The following EMC1 variants were observed in gnomAD, a reference collection of about 807,000 sequenced individuals.
EMC1 encodes ER membrane protein complex subunit 1.
EMC1 carries 103 observed loss-of-function variants against 128.8 expected under a neutral mutation model. The ratio of observed to expected loss-of-function variants is 0.80; its 90% CI spans 0.68 to 0.94. The LOEUF (loss-of-function observed/expected upper bound fraction) is 0.94, where lower values mean the gene tolerates loss of function less well. Among genes scored for constraint, EMC1 ranks in the 40% least tolerant of loss-of-function variants. The pLI is 0.00. For missense variants in EMC1, 1,083 were observed against 1,250.6 expected, an observed-to-expected ratio of 0.87 and a Z score of 2.02; for synonymous variants, 442 against 490.4, an observed-to-expected ratio of 0.90 and a Z score of 1.30.
intron 17 of EMC1, among the ~76,000 whole-genome samples, chr1:19,230,505 G>C (rs536993059): frequency 6.8e-4 from 103 of 152,316 alleles, no homozygotes; most frequent in Non-Finnish European, 1.2e-3. Flanking sequence ...AGGAGGCAGA[G>C]GTTGCAGTGA....
intron 2 of EMC1, 162 bp downstream of exon 2, chr1:19,244,744 T>A: frequency 1.4e-6 from 1 of 714,978 alleles, no homozygotes; most frequent in Non-Finnish European, 2.3e-6. Context: ...CATACAAATA[T>A]TCAAAGATGG....
At chr1:19,242,306 A>G in intron 5 of EMC1, 39 bp downstream of exon 5, 8 of 1,612,980 alleles carry the variant, frequency 5.0e-6, no homozygotes, top group Non-Finnish European at 5.9e-6. Context: ...CCTAGAGAGT[A>G]GAACGAGGCA....
chr1:19,235,129 C>A lies in EMC1; in HGVS notation c.1432+1G>T. Reference sequence around the variant, plus strand: ...GCAGCTCCAACCTCTTAGGTTCATACCTGCCTTTTTGCCAAATTCTCCTTC... The same window carrying A: ...GCAGCTCCAACCTCTTAGGTTCATAACTGCCTTTTTGCCAAATTCTCCTTC... On this transcript the variant is annotated splice_donor_variant, in intron 13 of 22. Transcript: ENST00000477853. LOFTEE classifies it high-confidence loss of function. 1 of 1,613,514 alleles carries A rather than the reference C, an allele frequency of 6.2e-7. No individual in the cohort carries two copies. Among genetic ancestry groups the A allele is most frequent in the African/African-American group, 1.3e-5 (1 of 75,058 alleles).
At chr1:19,234,920 G>T (rs918813623) in intron 13 of EMC1, among the ~76,000 whole-genome samples, 1 of 152,080 alleles carries the variant, frequency 6.6e-6, no homozygotes, top group East Asian at 1.9e-4. Context: ...TTCCCTAGAA[G>T]GATTCACAGT....
intron 4 of EMC1, among the ~76,000 whole-genome samples, chr1:19,243,244 A>T (rs1423043208): frequency 6.6e-6 from 1 of 152,202 alleles, no homozygotes; most frequent in Non-Finnish European, 1.5e-5. Flanking sequence ...CAAAAAACTC[A>T]ATAAATAAAA....
chr1:19,239,346 T>C (rs763371539), intron 8 of EMC1, 44 bp from the exon 9 acceptor site: 4 of 1,552,154 alleles, frequency 2.6e-6, no homozygotes, highest in Non-Finnish European at 3.6e-6. Flanking sequence ...GGACCAGTAC[T>C]AGCCAGCTGC....
At chr1:19,238,942 T>C in intron 9 of EMC1, 85 bp from the exon 10 acceptor site, 1 of 1,015,358 alleles carries the variant, frequency 9.8e-7, no homozygotes, top group Non-Finnish European at 1.6e-6. Context: ...TTTGTCTTCT[T>C]AGCACTTGAG....
chr1:19,218,758 T>C lies in EMC1; in HGVS notation c.*545A>G, dbSNP rs1054857494. The C allele has an allele frequency of 6.5e-6, 1 of 153,568 alleles. No individual in the cohort carries two copies. Among genetic ancestry groups the C allele is most frequent in the African/African-American group, 2.4e-5 (1 of 41,444 alleles). 9.5% of individuals were successfully genotyped at this position (153,568 alleles called of 1,614,324 possible). Reference sequence around the variant, plus strand: ...CCTAAGTTACTTTGGAGGGAAGCCATGAGAGGCTGGATCAGTCCTCAAGCC... The same window carrying C: ...CCTAAGTTACTTTGGAGGGAAGCCACGAGAGGCTGGATCAGTCCTCAAGCC... On this transcript the variant is annotated 3_prime_UTR_variant, in exon 23 of 23. Transcript: ENST00000477853.
chr1:19,234,988 A>G, intron 13 of EMC1, 142 bp downstream of exon 13: 1 of 837,798 alleles, frequency 1.2e-6, no homozygotes, highest in Non-Finnish European at 1.8e-6. Flanking sequence ...ATGCACCGGA[A>G]CCTCATCACA....
rs548469862 is a variant in EMC1 at position 19,237,316 on chromosome 1, G to A, written c.1213-78C>T. The A allele has an allele frequency of 5.1e-6, 5 of 987,656 alleles. No individual in the cohort carries two copies. The African/African-American group carries it at 6.4e-5, about 13-fold the overall frequency. 61.2% of individuals were successfully genotyped at this position (987,656 alleles called of 1,614,324 possible). ...AGAGCACCAGACCCCAGGAGTCAAAGCCTGGACTTAACAGAGGTACAGGCC... is the reference window on the plus strand; with the variant it reads ...AGAGCACCAGACCCCAGGAGTCAAAACCTGGACTTAACAGAGGTACAGGCC... On this transcript the variant is annotated intron_variant, in intron 11 of 22. Coordinates refer to ENST00000477853, the MANE Select transcript of EMC1 (RefSeq NM_015047.3).
chr1:19,249,109 A>T (rs1320682344), intron 1 of EMC1, among the ~76,000 whole-genome samples: 2 of 152,180 alleles, frequency 1.3e-5, no homozygotes, highest in Non-Finnish European at 2.9e-5. Flanking sequence ...GTCAAAAATT[A>T]AAAAAATAAA....
chr1:19,220,693 G>A (rs2093424825), intron 21 of EMC1, 71 bp downstream of exon 21: 2 of 1,283,478 alleles, frequency 1.6e-6, no homozygotes, highest in Non-Finnish European at 2.2e-6. Context: ...CAGAGACCAA[G>A]AACCAAGCTT....
intron 17 of EMC1, 36 bp downstream of exon 17, chr1:19,230,808 A>G: frequency 6.2e-7 from 1 of 1,611,922 alleles, no homozygotes; most frequent in Non-Finnish European, 8.5e-7. Flanking sequence ...CCTGCATCTC[A>G]TCCACAAAGG....
Position 19,219,667 on chromosome 1 carries a change from C to T in EMC1, c.2704G>A (p.Val902Ile), listed in dbSNP as rs754337469. Reference protein sequence around the residue: ...EENLIPYSPDVQIHAERFINY... With the variant: ...EENLIPYSPDIQIHAERFINY... Reference sequence around the variant, plus strand: ...ATGAATCGCTCTGCGTGTATCTGTACATCTGGAGAATACGGGATTAAGTTC... The same window carrying T: ...ATGAATCGCTCTGCGTGTATCTGTATATCTGGAGAATACGGGATTAAGTTC... Residue 902 changes from valine (V) to isoleucine (I), a missense_variant, in exon 22 of 23, where the codon GTA (valine) becomes ATA (isoleucine). This residue lies in a region of EMC1 where 527 missense variants were observed against 644.1 expected (regional missense o/e 0.82). Coordinates refer to ENST00000477853, the MANE Select transcript of EMC1 (RefSeq NM_015047.3). The T allele has an allele frequency of 2.5e-6, 4 of 1,614,058 alleles. No homozygotes were observed. In the Admixed American group the frequency reaches 5.0e-5, roughly 20 times the overall value.
At position 19,232,119 on chromosome 1, in the gene EMC1, G is replaced by A. The variant is rs576639961; in HGVS notation, c.1782+505C>T. On this transcript the variant is annotated intron_variant, in intron 15 of 22. Transcript: ENST00000477853. ...TCTACTAAACATACAAAAATCAGCC[G>A]GGCATGATGGCGTGTGCCTGTAATC... is the stretch of plus-strand genomic sequence containing the variant. Among the ~76,000 whole-genome samples, 8 of 152,214 alleles carry A rather than the reference G, an allele frequency of 5.3e-5. No individual in the cohort carries two copies. In the South Asian group the frequency reaches 6.2e-4, roughly 12 times the overall value.
chr1:19,242,278 C>T (rs1229609713), intron 5 of EMC1, 67 bp downstream of exon 5: 15 of 1,584,362 alleles, frequency 9.5e-6, no homozygotes, highest in Non-Finnish European at 1.1e-5. Context: ...TCGGGTCCCT[C>T]GAGGAGAAAG....
At chr1:19,222,480 T>C in intron 20 of EMC1, 144 bp downstream of exon 20, 1 of 676,728 alleles carries the variant, frequency 1.5e-6, no homozygotes. Flanking sequence ...TAAGAAACTT[T>C]TTCCACCGAT....
In EMC1 at chr1:19,238,106, T is replaced by C. The variant is rs779642382; in HGVS notation, c.1123A>G (p.Ile375Val). Reference sequence around the variant, plus strand: ...CCTGTCTCCACGAGGTATAGGTTAATGGTGTAGGTCTGATTGAAGCAAGCC... The same window carrying C: ...CCTGTCTCCACGAGGTATAGGTTAACGGTGTAGGTCTGATTGAAGCAAGCC... ...SLACFNQTYT[I>V]NLYLVETGRR... The change falls in exon 11 of 23, where the codon ATT becomes GTT. Residue 375 changes from isoleucine to valine, a missense_variant. Ile to Val is a conservative substitution (Grantham distance 29). Coordinates refer to ENST00000477853, the MANE Select transcript of EMC1 (RefSeq NM_015047.3). 13 of 1,614,154 alleles carry C rather than the reference T, an allele frequency of 8.1e-6. No individual in the cohort carries two copies. The South Asian group carries it at 1.3e-4, about 16-fold the overall frequency.
chr1:19,227,192 C>T, intron 18 of EMC1, 121 bp downstream of exon 18: 1 of 1,104,726 alleles, frequency 9.1e-7, no homozygotes. Context: ...AATTAAGGCT[C>T]AAAGGGATTA....
Sources: allele counts gnomAD v4.1 joint callset (sites outside exome capture counted in the v4.1 genomes callset), GRCh38; gene constraint gnomAD v4.1.1; regional missense constraint gnomAD v4.1.1; transcripts MANE v1.5; gene names NCBI Gene and HGNC (gene_info 2026-07-23, HGNC 2026-07-21).